The following LPAR1 variants were observed in gnomAD, a reference collection of about 807,000 sequenced individuals.
LPAR1 encodes LPA receptor 1.
LPAR1 carries 5 observed loss-of-function variants against 23.8 expected under a neutral mutation model. The ratio of observed to expected loss-of-function variants is 0.21; its 90% CI spans 0.11 to 0.44. The LOEUF is 0.44. Ranked by LOEUF, LPAR1 falls within the 20% of genes least tolerant of loss-of-function variation. The probability of loss-of-function intolerance (pLI) is 0.99; values close to 1 mark genes in which losing one functional copy is unlikely to be tolerated. For synonymous variants in LPAR1, 160 were observed against 164.7 expected (o/e 0.97, Z 0.22); for missense variants, 311 against 482.8 (o/e 0.64, Z 3.33).
chr9:111,005,546 C>CAAAAA (rs60143050), intron 2 of LPAR1, among the ~76,000 whole-genome samples: 149 of 70,322 alleles, frequency 2.1e-3, no homozygotes, highest in Middle Eastern at 9.4e-3. Flanking sequence ...GACCCTGTCT[C>CAAAAA]AAAAAAAAAA....
At chr9:110,939,245 TC>T (rs1385485044) in intron 5 of LPAR1, among the ~76,000 whole-genome samples, 2 of 152,144 alleles carry the variant, frequency 1.3e-5, no homozygotes, top group Non-Finnish European at 2.9e-5. Context: ...GATTGTGACT[TC>T]CCCATTCTAA....
At chr9:111,002,438 T>C (rs1374080054) in intron 2 of LPAR1, among the ~76,000 whole-genome samples, 1 of 152,184 alleles carries the variant, frequency 6.6e-6, no homozygotes, top group East Asian at 1.9e-4. Flanking sequence ...TCTAGCTCTC[T>C]TGAGGCAAAA....
intron 5 of LPAR1, among the ~76,000 whole-genome samples, chr9:110,922,116 G>A (rs942819591): frequency 3.3e-5 from 5 of 152,138 alleles, no homozygotes; most frequent in African/African-American, 1.2e-4. Flanking sequence ...TCAATGAGAT[G>A]AAAGAAAACA....
chr9:110,875,564 T>C lies in LPAR1; in HGVS notation c.952A>G (p.Met318Val). The C allele has an allele frequency of 6.2e-7, 1 of 1,614,142 alleles. No individual in the cohort carries two copies. The highest frequency in any genetic ancestry group is 8.5e-7 in the Non-Finnish European group (1 of 1,180,020). ...PIIYSYRDKE[M>V]SATFRQILCC... ...AGGATCTGCCTAAAGGTGGCGCTCATTTCTTTGTCGCGGTAGGAGTAAATG... is the reference window on the plus strand; with the variant it reads ...AGGATCTGCCTAAAGGTGGCGCTCACTTCTTTGTCGCGGTAGGAGTAAATG... The change falls in exon 6 of 6, where the codon ATG becomes GTG. Residue 318 changes from methionine to valine, a missense_variant. Met to Val is a conservative substitution (Grantham distance 21, BLOSUM62 1). Transcript: ENST00000683809.
chr9:110,934,985 C>T (rs2094604394), intron 5 of LPAR1, among the ~76,000 whole-genome samples: 2 of 152,096 alleles, frequency 1.3e-5, no homozygotes, highest in South Asian at 4.1e-4. Flanking sequence ...ATATGTGATG[C>T]TAATAATGTA....
intron 4 of LPAR1, among the ~76,000 whole-genome samples, chr9:110,949,010 T>G (rs886226410): frequency 6.6e-6 from 1 of 151,972 alleles, no homozygotes; most frequent in Admixed American, 6.6e-5. Context: ...AAGAGTCCCT[T>G]AAGAAATCAT....
At chr9:110,989,001 A>AT (rs1371926272) in intron 2 of LPAR1, among the ~76,000 whole-genome samples, 4 of 152,174 alleles carry the variant, frequency 2.6e-5, no homozygotes, top group East Asian at 1.9e-4. Flanking sequence ...AGTATTGTGC[A>AT]TTTTTTTCTA....
intron 4 of LPAR1, among the ~76,000 whole-genome samples, chr9:110,955,969 C>G (rs967451159): frequency 6.6e-6 from 1 of 151,646 alleles, no homozygotes; most frequent in African/African-American, 2.4e-5. Context: ...TTCCAATAAA[C>G]AACCCAAAAA....
chr9:110,939,457 T>C (rs1485174675), intron 5 of LPAR1, among the ~76,000 whole-genome samples: 1 of 152,218 alleles, frequency 6.6e-6, no homozygotes, highest in Non-Finnish European at 1.5e-5. Flanking sequence ...TTAAAAATCA[T>C]GCTCTTTATT....
chr9:111,015,186 G>A (rs2097418182), intron 2 of LPAR1, among the ~76,000 whole-genome samples: 1 of 152,072 alleles, frequency 6.6e-6, no homozygotes, highest in Non-Finnish European at 1.5e-5. Context: ...AATTTTTGTT[G>A]TTTCAGCCAC....
At chr9:111,030,127 T>A (rs1429462590) in intron 2 of LPAR1, among the ~76,000 whole-genome samples, 1 of 151,490 alleles carries the variant, frequency 6.6e-6, no homozygotes, top group Non-Finnish European at 1.5e-5. Flanking sequence ...ATCAGCTGCA[T>A]GAAACTAAAC....
At chr9:110,945,226 C>T (rs866998141) in intron 4 of LPAR1, 5 of 152,188 alleles carry the variant, frequency 3.3e-5, no homozygotes, top group South Asian at 2.1e-4. Flanking sequence ...AGCCGACAGA[C>T]TTAGGCAGAA....
chr9:111,019,075 G>A (rs1274284427), intron 2 of LPAR1, among the ~76,000 whole-genome samples: 1 of 152,100 alleles, frequency 6.6e-6, no homozygotes, highest in Non-Finnish European at 1.5e-5. Flanking sequence ...AAACTAACAT[G>A]ACTAAATAAC....
At chr9:111,034,717 C>T (rs918821064) in intron 2 of LPAR1, among the ~76,000 whole-genome samples, 3 of 152,160 alleles carry the variant, frequency 2.0e-5, no homozygotes, top group African/African-American at 7.2e-5. Flanking sequence ...GCACCCCTCA[C>T]TCTGCCCCAA....
At chr9:110,990,225 G>T (rs957678543) in intron 2 of LPAR1, among the ~76,000 whole-genome samples, 1 of 152,070 alleles carries the variant, frequency 6.6e-6, no homozygotes, top group African/African-American at 2.4e-5. Context: ...TAAGAGACAT[G>T]AACAATACAA....
chr9:110,929,600 T>C (rs1199692642), intron 5 of LPAR1, among the ~76,000 whole-genome samples: 1 of 152,014 alleles, frequency 6.6e-6, no homozygotes, highest in African/African-American at 2.4e-5. Flanking sequence ...ATAGTTAAAT[T>C]GAACTCCAGG....
intron 5 of LPAR1, among the ~76,000 whole-genome samples, chr9:110,930,851 G>A (rs1333525570): frequency 1.3e-5 from 2 of 152,024 alleles, no homozygotes; most frequent in Admixed American, 6.6e-5. Flanking sequence ...GGAGGCAGAT[G>A]TTGCGGTGAA....
chr9:111,017,396 T>C (rs2097473559), intron 2 of LPAR1, among the ~76,000 whole-genome samples: 1 of 152,220 alleles, frequency 6.6e-6, no homozygotes, highest in South Asian at 2.1e-4. Context: ...ACTAATGAGA[T>C]ATCAAATTTA....
chr9:110,899,738 T>C (rs945231681), intron 5 of LPAR1, among the ~76,000 whole-genome samples: 3 of 152,220 alleles, frequency 2.0e-5, no homozygotes, highest in Non-Finnish European at 2.9e-5. Flanking sequence ...TACTCATCCA[T>C]GTACAGCACT....
Sources: allele counts gnomAD v4.1 joint callset (sites outside exome capture counted in the v4.1 genomes callset), GRCh38; gene constraint gnomAD v4.1.1; transcripts MANE v1.5; gene names NCBI Gene and HGNC (gene_info 2026-07-23, HGNC 2026-07-21).